The following TSPYL2 variants were observed in gnomAD, a reference collection of about 807,000 sequenced individuals.
TSPYL2 encodes the protein testis-specific Y-encoded-like protein 2.
TSPYL2 carries 9 observed loss-of-function variants against 33.0 expected under a neutral mutation model. That is an observed-to-expected ratio of 0.27 (90% CI 0.16 to 0.48). The LOEUF (loss-of-function observed/expected upper bound fraction) is 0.48, where lower values mean the gene tolerates loss of function less well. Among genes scored for constraint, TSPYL2 ranks in the 20% least tolerant of loss-of-function variants. The pLI, the probability that TSPYL2 is intolerant of heterozygous loss-of-function variation, is 0.99. For missense variants in TSPYL2, 636 were observed against 586.2 expected, an observed-to-expected ratio of 1.08 and a Z score of -0.88; for synonymous variants, 330 against 233.6, an observed-to-expected ratio of 1.41 and a Z score of -3.77.
At position 53,087,921 on chromosome X, in the gene TSPYL2, G is replaced by A. The variant is rs782004401; in HGVS notation, c.2064G>A (p.Lys688=). The change falls in exon 7 of 7, where the codon AAG becomes AAA. Residue 688 remains lysine (K), a synonymous_variant. Coordinates refer to ENST00000375442, the MANE Select transcript of TSPYL2 (RefSeq NM_022117.4). Reference sequence around the variant, plus strand: ...CAAACGGTTGGGCCAATCCGGGGAAGAGGGGGAAAACCGGATAAGGGTTTT... The same window carrying A: ...CAAACGGTTGGGCCAATCCGGGGAAAAGGGGGAAAACCGGATAAGGGTTTT... ...QVPNGWANPG[K]RGKTG The A allele has an allele frequency of 1.9e-5, 23 of 1,211,741 alleles. 1 individual carries two copies. The South Asian group carries it at 3.9e-4, about 20-fold the overall frequency.
At chrX:53,083,979 A>G (rs1359874776) in intron 1 of TSPYL2, among the ~76,000 whole-genome samples, 1 of 112,065 alleles carries the variant, frequency 8.9e-6, no homozygotes, top group Non-Finnish European at 1.9e-5. Flanking sequence ...CGAACATCCT[A>G]ATAGAATTAT....
intron 6 of TSPYL2, chrX:53,086,654 C>A: frequency 3.7e-6 from 1 of 272,149 alleles, no homozygotes; most frequent in Non-Finnish European, 6.5e-6. Flanking sequence ...AGTCTGTACC[C>A]GGCCTTGGCC....
chrX:53,083,105 G>A lies in TSPYL2; in HGVS notation c.607G>A (p.Glu203Lys), dbSNP rs1304609582. ...GAGGAAGCAGAGGAAGGTGAAGAGG[G>A]AAAGCAGAGAGAGAAATGCCGAGAG... ...RRRKQRKVKR[E>K]SRERNAERME... The change falls in exon 1 of 7, where the codon GAA becomes AAA. Residue 203 changes from glutamate to lysine, a missense_variant. By Grantham distance (56) the Glu-to-Lys change is moderately conservative. Coordinates refer to ENST00000375442, the MANE Select transcript of TSPYL2 (RefSeq NM_022117.4). 6 of 1,207,595 alleles carry A rather than the reference G, an allele frequency of 5.0e-6. No individual in the cohort carries two copies. The highest frequency in any genetic ancestry group is 4.6e-4 in the Middle Eastern group (2 of 4,370).
Position 53,088,113 on chromosome X carries a change from G to T in TSPYL2, c.*174G>T. On this transcript the variant is annotated 3_prime_UTR_variant, in exon 7 of 7. Transcript: ENST00000375442. ...TAGTCATTGCAGAGTTCTTATTTTG[G>T]GGGGAGGGAAAGGGGGCTAGTCCCC... 1 of 473,277 alleles carries T rather than the reference G, an allele frequency of 2.1e-6. No individual in the cohort carries two copies. The allele number at this position is 473,277 out of a possible 1,213,427, so 39.0% of individuals were successfully genotyped here. A position where few individuals can be genotyped will look rare whatever the true frequency, so the allele number is the denominator to read the frequency against.
At position 53,085,720 on chromosome X, in the gene TSPYL2, T is replaced by G. The variant is rs1290001720; in HGVS notation, c.1328T>G (p.Ile443Ser). 3 of 1,209,880 alleles carry G rather than the reference T, an allele frequency of 2.5e-6. No homozygotes were observed. The highest frequency in any genetic ancestry group is 3.4e-6 in the Non-Finnish European group (3 of 895,131). ...GACATTTTCAGCGAGATCTCAGACATTGATGAGACAATTCATGACATCAAG... is the reference window on the plus strand; with the variant it reads ...GACATTTTCAGCGAGATCTCAGACAGTGATGAGACAATTCATGACATCAAG... ...VEDIFSEISD[I>S]DETIHDIKIS... The change falls in exon 6 of 7, where the codon ATT (isoleucine) becomes AGT (serine). Residue 443 changes from isoleucine to serine, a missense_variant. Around this residue, in one of 3 missense-constraint regions of TSPYL2, gnomAD observed 401 missense variants for 363.0 expected, o/e 1.10. Coordinates refer to ENST00000375442, the MANE Select transcript of TSPYL2 (RefSeq NM_022117.4).
Position 53,085,748 on chromosome X carries a change from C to T in TSPYL2, c.1356C>T (p.Ile452=), listed in dbSNP as rs1932752302. Reference sequence around the variant, plus strand: ...ATGAGACAATTCATGACATCAAGATCTCTGACTTCATGGAGACCACCGACT... The same window carrying T: ...ATGAGACAATTCATGACATCAAGATTTCTGACTTCATGGAGACCACCGACT... ...DIDETIHDIK[I]SDFMETTDYF... Residue 452 remains isoleucine (I), a synonymous_variant, in exon 6 of 7, where the codon ATC becomes ATT. Coordinates refer to ENST00000375442, the MANE Select transcript of TSPYL2 (RefSeq NM_022117.4). 8.3e-7 allele frequency: 1 copy of T among 1,211,272 alleles called. No homozygotes were observed. Among genetic ancestry groups the T allele is most frequent in the Non-Finnish European group, 1.1e-6 (1 of 895,214 alleles).
rs199912508 is a variant in TSPYL2, at chrX:53,084,713, TGG to T, written c.886-34_886-33del. 9.8e-4 allele frequency: 1,086 copies of T among 1,107,469 alleles called. 9 individuals are homozygous for T. In the East Asian group the frequency reaches 0.031, roughly 32 times the overall value. 91.3% of individuals were successfully genotyped at this position (1,107,469 alleles called of 1,213,427 possible). ...GTGGGTGGGAAGGGCCGTGGTGTGT[TGG>T]GGGGGGGACAGATTCCACCATCACC... is the stretch of plus-strand genomic sequence containing the variant. On this transcript the variant is annotated intron_variant, in intron 2 of 6. Transcript: ENST00000375442.
At position 53,082,575 on chromosome X, in the gene TSPYL2, C is replaced by T. The variant is rs1932641381; in HGVS notation, c.77C>T (p.Pro26Leu). 8.7e-7 allele frequency: 1 copy of T among 1,152,879 alleles called. No individual in the cohort carries two copies. Among genetic ancestry groups the T allele is most frequent in the Non-Finnish European group, 1.1e-6 (1 of 870,478 alleles). The change falls in exon 1 of 7, where the codon CCC (proline) becomes CTC (leucine). Residue 26 changes from proline (P) to leucine (L), a missense_variant. Pro to Leu is a moderately conservative substitution (Grantham distance 98). Around this residue, in one of 3 missense-constraint regions of TSPYL2, gnomAD observed 231 missense variants for 201.6 expected, o/e 1.15. Transcript: ENST00000375442. ...TCCGAGTCTCCACAGCGCGACCCGC[C>T]CCCGCCGCCGCCGCCGCCGCCGCTC... ...SSSESPQRDPPPPPPPPPLLR... is the reference protein window; with the variant it reads ...SSSESPQRDPLPPPPPPPLLR...
intron 6 of TSPYL2, 68 bp downstream of exon 6, chrX:53,086,378 A>G (rs1166683705): frequency 2.2e-5 from 23 of 1,041,913 alleles, no homozygotes; most frequent in Non-Finnish European, 2.8e-5. Flanking sequence ...GGCCAAGGAC[A>G]GGGTATCAAG....
Position 53,082,388 on chromosome X carries a change from C to G in TSPYL2, c.-111C>G. 4 of 730,366 alleles carry G rather than the reference C, an allele frequency of 5.5e-6. No individual in the cohort carries two copies. Among genetic ancestry groups the G allele is most frequent in the Admixed American group, 4.3e-5 (1 of 23,300 alleles). The allele number at this position is 730,366 out of a possible 1,213,427, so 60.2% of individuals were successfully genotyped here. A position where few individuals can be genotyped will look rare whatever the true frequency, so the allele number is the denominator to read the frequency against. On this transcript the variant is annotated 5_prime_UTR_variant, in exon 1 of 7. Transcript: ENST00000375442. The stretch of plus-strand genomic sequence containing the variant: ...CGCCAGAGCGAGGTGGTGAGGAGAG[C>G]TGGTTGCGTGAGTCTCCTCAGCTCT...
In TSPYL2 at chrX:53,087,282, C is replaced by T. The variant is rs782672311; in HGVS notation, c.1919-494C>T. 217 of 104,468 alleles carry T rather than the reference C, an allele frequency of 2.1e-3. 1 individual carries two copies. Among genetic ancestry groups the T allele is most frequent in the South Asian group, 0.019 (48 of 2,497 alleles). The allele number at this position is 104,468 out of a possible 1,213,427, so 8.6% of individuals were successfully genotyped here. Reference sequence around the variant, plus strand: ...GAAACAGGGATTCTCAGTTCTCTTCCCCTCCCACCTGATGGCATCTCTTTT... The same window carrying T: ...GAAACAGGGATTCTCAGTTCTCTTCTCCTCCCACCTGATGGCATCTCTTTT... On this transcript the variant is annotated intron_variant, in intron 6 of 6. Transcript: ENST00000375442.
Position 53,087,899 on chromosome X carries a change from A to T in TSPYL2, c.2042A>T (p.Asn681Ile). 8.3e-7 allele frequency: 1 copy of T among 1,211,501 alleles called. No individual in the cohort carries two copies. Among genetic ancestry groups the T allele is most frequent in the South Asian group, 1.8e-5 (1 of 56,993 alleles). Residue 681 changes from asparagine (N) to isoleucine (I), a missense_variant, in exon 7 of 7, where the codon AAC becomes ATC. Physicochemically the swap from Asn to Ile is moderately radical, Grantham distance 149. This residue lies in a region of TSPYL2 where 401 missense variants were observed against 363.0 expected (regional missense o/e 1.10). Coordinates refer to ENST00000375442, the MANE Select transcript of TSPYL2 (RefSeq NM_022117.4). ...CTAGAGGATGTGCTTCAGGTCCCAA[A>T]CGGTTGGGCCAATCCGGGGAAGAGG... ...SDLEDVLQVPNGWANPGKRGK... is the reference protein window; with the variant it reads ...SDLEDVLQVPIGWANPGKRGK...
At chrX:53,083,951 C>T (rs1218473605) in intron 1 of TSPYL2, among the ~76,000 whole-genome samples, 1 of 111,920 alleles carries the variant, frequency 8.9e-6, no homozygotes, top group African/African-American at 3.3e-5. Context: ...ATACATGTAA[C>T]ATGTTAGGAA....
In TSPYL2 at chrX:53,087,998, C is replaced by T; in HGVS notation, c.*59C>T. 8.8e-7 allele frequency: 1 copy of T among 1,142,781 alleles called. No homozygotes were observed. Among genetic ancestry groups the T allele is most frequent in the Admixed American group, 2.3e-5 (1 of 43,388 alleles). The allele number at this position is 1,142,781 out of a possible 1,213,427, so 94.2% of individuals were successfully genotyped here. On this transcript the variant is annotated 3_prime_UTR_variant, in exon 7 of 7. Coordinates refer to ENST00000375442, the MANE Select transcript of TSPYL2 (RefSeq NM_022117.4). ...TCCCCCACCCACTATCCCATTTGCC[C>T]TCCTCCTCAGCTAGGGCCACGCGGC...
At position 53,088,026 on chromosome X, in the gene TSPYL2, C is replaced by A; in HGVS notation, c.*87C>A. ...CTCCTCAGCTAGGGCCACGCGGCCC[C>A]ACATTGCACTTCTGGGGGGTGACCG... On this transcript the variant is annotated 3_prime_UTR_variant, in exon 7 of 7. Coordinates refer to ENST00000375442, the MANE Select transcript of TSPYL2 (RefSeq NM_022117.4). The A allele has an allele frequency of 1.1e-6, 1 of 943,166 alleles. No individual in the cohort carries two copies. Among genetic ancestry groups the A allele is most frequent in the Non-Finnish European group, 1.5e-6 (1 of 673,414 alleles). 77.7% of individuals were successfully genotyped at this position (943,166 alleles called of 1,213,427 possible).
In TSPYL2 at chrX:53,082,857, C is replaced by T. The variant is rs781938963; in HGVS notation, c.359C>T (p.Thr120Ile). The T allele has an allele frequency of 1.2e-5, 14 of 1,207,041 alleles. No homozygotes were observed. The highest frequency in any genetic ancestry group is 1.8e-5 in the South Asian group (1 of 56,348). Reference protein sequence around the residue: ...PPTESLEALPTPEASGGSLEI... With the variant: ...PPTESLEALPIPEASGGSLEI... ...ACGGAGAGCCTGGAAGCACTCCCCA[C>T]TCCTGAGGCCTCGGGGGGGAGCCTG... The change falls in exon 1 of 7, where the codon ACT becomes ATT. Residue 120 changes from threonine to isoleucine, a missense_variant. Physicochemically the swap from Thr to Ile is moderately conservative, Grantham distance 89. This residue lies in a region of TSPYL2 where 231 missense variants were observed against 201.6 expected (regional missense o/e 1.15). Coordinates refer to ENST00000375442, the MANE Select transcript of TSPYL2 (RefSeq NM_022117.4).
In TSPYL2 at chrX:53,083,267, C is replaced by G. The variant is rs782601558; in HGVS notation, c.769C>G (p.Leu257Val). The G allele has an allele frequency of 8.3e-7, 1 of 1,207,718 alleles. No homozygotes were observed. Among genetic ancestry groups the G allele is most frequent in the African/African-American group, 1.8e-5 (1 of 56,455 alleles). The change falls in exon 1 of 7, where the codon CTC (leucine) becomes GTC (valine). Residue 257 changes from leucine (L) to valine (V), a missense_variant. Around this residue, in one of 3 missense-constraint regions of TSPYL2, gnomAD observed 401 missense variants for 363.0 expected, o/e 1.10. Transcript: ENST00000375442. ...MRRPFLERRDLIIQHIPGFWV... is the reference protein window; with the variant it reads ...MRRPFLERRDVIIQHIPGFWV... ...AAGACCCTTCCTGGAGCGCAGAGAC[C>G]TCATCATCCAGCATATCCCAGGCTT...
chrX:53,086,638 C>T, intron 6 of TSPYL2: 3 of 319,334 alleles, frequency 9.4e-6, no homozygotes, highest in Non-Finnish European at 1.7e-5. Context: ...CAGTGCATTT[C>T]AGCACAGTCT....
At position 53,085,818 on chromosome X, in the gene TSPYL2, A is replaced by G. The variant is rs782152487; in HGVS notation, c.1426A>G (p.Ile476Val). ...DNEITDINEN[I>V]CDSENPDHNE... ...TGAGATAACTGACATCAATGAGAAC[A>G]TCTGCGACAGCGAGAATCCTGACCA... The change falls in exon 6 of 7, where the codon ATC (isoleucine) becomes GTC (valine). Residue 476 changes from isoleucine to valine, a missense_variant. Transcript: ENST00000375442. 15 of 1,211,737 alleles carry G rather than the reference A, an allele frequency of 1.2e-5. No homozygotes were observed. The highest frequency in any genetic ancestry group is 1.6e-5 in the Non-Finnish European group (14 of 895,541).
Sources: gnomAD v4.1 joint callset for allele counts (sites outside exome capture counted in the v4.1 genomes callset) on GRCh38, gnomAD v4.1.1 for gene constraint, gnomAD v4.1.1 regional missense constraint, MANE v1.5 for transcripts, NCBI Gene and HGNC (gene_info 2026-07-23, HGNC 2026-07-21) for gene names.